DNAJC13: variants seen among roughly 807,000 people sequenced by gnomAD.
DNAJC13 encodes DnaJ heat shock protein family (Hsp40) member C13.
In DNAJC13, 75 loss-of-function variants were observed where a neutral mutation model predicts 290.5. The observed-to-expected ratio is 0.26, with a 90% CI of 0.21 to 0.31. The LOEUF is 0.31. Among genes scored for constraint, DNAJC13 ranks in the 10% least tolerant of loss-of-function variants. The pLI, the probability that DNAJC13 is intolerant of heterozygous loss-of-function variation, is 1.00. For synonymous variants in DNAJC13, 862 were observed against 892.0 expected (o/e 0.97, Z 0.60); for missense variants, 2,260 against 2,674.5 (o/e 0.85, Z 3.42).
rs1345385669 is a variant in DNAJC13, at chr3:132,447,473, A to G, written c.294+3A>G. The G allele has an allele frequency of 4.0e-5, 62 of 1,564,458 alleles. No individual in the cohort carries two copies. The highest frequency in any genetic ancestry group is 4.6e-5 in the Non-Finnish European group (54 of 1,164,308). On this transcript the variant is annotated splice_donor_region_variant and intron_variant, in intron 4 of 55. Coordinates refer to ENST00000260818, the MANE Select transcript of DNAJC13 (RefSeq NM_015268.4). ...CAGAACTTCTTACAGAAGCATTGGT[A>G]AGAAGATTCCATGTTCATAAATAAA...
chr3:132,528,686 A>G (rs1186196687), intron 54 of DNAJC13, among the ~76,000 whole-genome samples: 2 of 152,166 alleles, frequency 1.3e-5, no homozygotes, highest in Non-Finnish European at 2.9e-5. Context: ...TTCATTAACC[A>G]TCCCATAATG....
In DNAJC13 at chr3:132,525,754, G is replaced by A; in HGVS notation, c.6205G>A (p.Ala2069Thr). The change falls in exon 52 of 56, where the codon GCC becomes ACC. Residue 2069 changes from alanine to threonine, a missense_variant. Transcript: ENST00000260818. ...NHRNNAIPKS[A>T]IRVIHALSEN... ...TAGGAACAATGCCATTCCTAAGAGTGCCATTCGGGTTATCCATGCCTTGTC... is the reference window on the plus strand; with the variant it reads ...TAGGAACAATGCCATTCCTAAGAGTACCATTCGGGTTATCCATGCCTTGTC... The A allele has an allele frequency of 6.2e-7, 1 of 1,614,124 alleles. No homozygotes were observed. The highest frequency in any genetic ancestry group is 8.5e-7 in the Non-Finnish European group (1 of 1,180,004).
Position 132,475,105 on chromosome 3 carries a change from G to T in DNAJC13, c.2445+20G>T. On this transcript the variant is annotated intron_variant, in intron 22 of 55. Transcript: ENST00000260818. ...TTTGAGGTAAAGTTTGATTTTTCCA[G>T]TATATTAATCTTAAAAAATAAAGCA... 3 of 1,551,710 alleles carry T rather than the reference G, an allele frequency of 1.9e-6. No homozygotes were observed. The highest frequency in any genetic ancestry group is 1.4e-5 in the African/African-American group (1 of 72,220).
intron 20 of DNAJC13, 128 bp from the exon 21 acceptor site, chr3:132,473,017 C>T (rs906022495): frequency 5.9e-5 from 38 of 640,314 alleles, no homozygotes; most frequent in Non-Finnish European, 8.6e-5. Flanking sequence ...TTATTTATTC[C>T]GTTAATTTTT....
intron 1 of DNAJC13, among the ~76,000 whole-genome samples, chr3:132,432,615 C>G (rs898255260): frequency 1.3e-5 from 2 of 152,190 alleles, no homozygotes; most frequent in South Asian, 4.1e-4. Flanking sequence ...GTAAGTGATA[C>G]AGTATTTTCA....
At chr3:132,429,488 A>G (rs1328308804) in intron 1 of DNAJC13, among the ~76,000 whole-genome samples, 1 of 152,190 alleles carries the variant, frequency 6.6e-6, no homozygotes, top group East Asian at 1.9e-4. Flanking sequence ...CAGTGTTGTT[A>G]TGGGGACAAA....
At chr3:132,522,744 A>T in intron 48 of DNAJC13, 84 bp from the exon 49 acceptor site, 4 of 1,134,544 alleles carry the variant, frequency 3.5e-6, no homozygotes, top group Non-Finnish European at 5.0e-6. Context: ...TTATGTTGAT[A>T]TTCTATCTTA....
At chr3:132,522,545 G>A (rs193159277) in intron 48 of DNAJC13, among the ~76,000 whole-genome samples, 5 of 152,200 alleles carry the variant, frequency 3.3e-5, no homozygotes, top group Admixed American at 6.5e-5. Flanking sequence ...CTAGTGATAC[G>A]GAGGCAGGGG....
chr3:132,516,325 T>G, intron 46 of DNAJC13, 97 bp from the exon 47 acceptor site: 1 of 1,061,508 alleles, frequency 9.4e-7, no homozygotes. Context: ...TGACATCCTG[T>G]GTAGAACATC....
chr3:132,486,348 A>G (rs1934876491), intron 29 of DNAJC13, among the ~76,000 whole-genome samples: 2 of 152,056 alleles, frequency 1.3e-5, no homozygotes, highest in African/African-American at 4.8e-5. Flanking sequence ...CACCCAAAAG[A>G]TCAACCGCTC....
chr3:132,516,308 T>C, intron 46 of DNAJC13, 114 bp from the exon 47 acceptor site: 1 of 940,414 alleles, frequency 1.1e-6, no homozygotes, highest in Middle Eastern at 2.2e-4. Flanking sequence ...ATTATGAGGA[T>C]TAAATATGAC....
At chr3:132,517,561 G>A (rs1007430156) in intron 48 of DNAJC13, among the ~76,000 whole-genome samples, 1 of 152,116 alleles carries the variant, frequency 6.6e-6, no homozygotes, top group Non-Finnish European at 1.5e-5. Flanking sequence ...AGTAGATCTA[G>A]GGTGGGGCCC....
chr3:132,436,361 C>T (rs756739041), intron 2 of DNAJC13, among the ~76,000 whole-genome samples: 3 of 152,234 alleles, frequency 2.0e-5, no homozygotes, highest in South Asian at 2.1e-4. Flanking sequence ...TTTTCAAGGT[C>T]GTCTATATTA....
chr3:132,499,928 C>A, intron 38 of DNAJC13, 120 bp downstream of exon 38: 1 of 854,642 alleles, frequency 1.2e-6, no homozygotes, highest in Non-Finnish European at 1.9e-6. Context: ...CCACCCCACC[C>A]CAAGTTTCTG....
Position 132,488,289 on chromosome 3 carries a change from T to TG in DNAJC13, c.3268-9_3268-8insG. 1 of 1,576,170 alleles carries TG rather than the reference T, an allele frequency of 6.3e-7. No homozygotes were observed. Among genetic ancestry groups the TG allele is most frequent in the Non-Finnish European group, 8.6e-7 (1 of 1,165,752 alleles). On this transcript the variant is annotated splice_polypyrimidine_tract_variant and intron_variant, in intron 29 of 55. Coordinates refer to ENST00000260818, the MANE Select transcript of DNAJC13 (RefSeq NM_015268.4). ...ACAACCCAATAAAAACATTTTAATT[T>TG]TTTTTCAGCTACTGCTGACCTTTGA...
chr3:132,432,178 AT>A (rs1433301073), intron 1 of DNAJC13, among the ~76,000 whole-genome samples: 2 of 151,824 alleles, frequency 1.3e-5, no homozygotes, highest in Non-Finnish European at 1.5e-5. Flanking sequence ...TTTTCTACAA[AT>A]TTTTTTGTTT....
At chr3:132,427,196 A>C (rs1939122085) in intron 1 of DNAJC13, among the ~76,000 whole-genome samples, 1 of 149,932 alleles carries the variant, frequency 6.7e-6, no homozygotes, top group Non-Finnish European at 1.5e-5. Flanking sequence ...CAGTGGCAAG[A>C]TGAGGGCTCG....
chr3:132,529,322 C>G (rs981509647), intron 54 of DNAJC13, among the ~76,000 whole-genome samples: 2 of 152,086 alleles, frequency 1.3e-5, no homozygotes, highest in African/African-American at 4.8e-5. Flanking sequence ...ATTTGTTTAT[C>G]CATTCATCTA....
chr3:132,531,594 G>A (rs1005521027), intron 55 of DNAJC13, among the ~76,000 whole-genome samples: 3 of 152,098 alleles, frequency 2.0e-5, no homozygotes, highest in Non-Finnish European at 2.9e-5. Flanking sequence ...TCAGGAGATC[G>A]AGACCATCCT....
Sources: gnomAD v4.1 joint callset for allele counts (sites outside exome capture counted in the v4.1 genomes callset) on GRCh38, gnomAD v4.1.1 for gene constraint, MANE v1.5 for transcripts, NCBI Gene and HGNC (gene_info 2026-07-23, HGNC 2026-07-21) for gene names.